Variants in UVRAG observed in about 807,000 individuals in gnomAD.
UVRAG encodes UV radiation resistance-associated gene protein.
In UVRAG, 19 loss-of-function variants were observed where a neutral mutation model predicts 78.0. That is an observed-to-expected ratio of 0.24 (90% confidence interval 0.17 to 0.36). The LOEUF (loss-of-function observed/expected upper bound fraction) is 0.36, where lower values mean the gene tolerates loss of function less well. Ranked by LOEUF, UVRAG falls within the 10% of genes least tolerant of loss-of-function variation. The pLI is 1.00. For synonymous variants in UVRAG, 323 were observed against 324.6 expected, an observed-to-expected ratio of 1.00 and a Z score of 0.05; for missense variants, 740 against 853.8, an observed-to-expected ratio of 0.87 and a Z score of 1.66.
intron 13 of UVRAG, among the ~76,000 whole-genome samples, chr11:76,090,407 A>G (rs556321430): frequency 1.3e-5 from 2 of 152,054 alleles, no homozygotes; most frequent in African/African-American, 4.8e-5. Context: ...TACTTAGCCA[A>G]CCCACTCAGC....
intron 6 of UVRAG, among the ~76,000 whole-genome samples, chr11:75,951,335 G>A (rs1043489928): frequency 3.6e-5 from 5 of 139,808 alleles, no homozygotes; most frequent in Non-Finnish European, 7.6e-5. Context: ...ATGTGTGTGT[G>A]TGTGTGTGTG....
chr11:76,132,636 T>C (rs1379430353), intron 14 of UVRAG, among the ~76,000 whole-genome samples: 2 of 152,228 alleles, frequency 1.3e-5, no homozygotes, highest in Non-Finnish European at 2.9e-5. Flanking sequence ...ATGCTTTCTT[T>C]ATTTCATTTT....
At chr11:75,935,970 C>T (rs1948366518) in intron 6 of UVRAG, among the ~76,000 whole-genome samples, 1 of 152,172 alleles carries the variant, frequency 6.6e-6, no homozygotes, top group Admixed American at 6.6e-5. Context: ...TATCTTTACT[C>T]TCTGTCAATC....
Position 76,065,782 on chromosome 11 carries a change from A to G in UVRAG, c.1299A>G (p.Ile433Met). The G allele has an allele frequency of 6.2e-7, 1 of 1,613,754 alleles. No individual in the cohort carries two copies. Among genetic ancestry groups the G allele is most frequent in the Non-Finnish European group, 8.5e-7 (1 of 1,179,812 alleles). ...DYGVYLLNKN[I>M]AQLRYQHGLG... ...GTGTCTATCTTCTGAACAAAAATATAGCACAGGTAAGTCTCTGTTCTTCAC... is the reference window on the plus strand; with the variant it reads ...GTGTCTATCTTCTGAACAAAAATATGGCACAGGTAAGTCTCTGTTCTTCAC... The change falls in exon 13 of 15, where the codon ATA becomes ATG. Residue 433 changes from isoleucine (I) to methionine (M), a missense_variant. By Grantham distance (10) the Ile-to-Met change is conservative. Coordinates refer to ENST00000356136, the MANE Select transcript of UVRAG (RefSeq NM_003369.4).
At chr11:76,083,331 A>G (rs1951532722) in intron 13 of UVRAG, among the ~76,000 whole-genome samples, 1 of 152,154 alleles carries the variant, frequency 6.6e-6, no homozygotes, top group Non-Finnish European at 1.5e-5. Context: ...CCTTCATGTT[A>G]TAAAAAGATA....
At chr11:75,990,245 G>A (rs1036380375) in intron 8 of UVRAG, among the ~76,000 whole-genome samples, 2 of 152,140 alleles carry the variant, frequency 1.3e-5, no homozygotes, top group Non-Finnish European at 2.9e-5. Flanking sequence ...TGTTTCACAA[G>A]CCTACTTCAT....
intron 13 of UVRAG, among the ~76,000 whole-genome samples, chr11:76,069,490 C>T (rs760664679): frequency 1.3e-5 from 2 of 152,144 alleles, no homozygotes; most frequent in African/African-American, 4.8e-5. Flanking sequence ...CTTTAAAAAC[C>T]AGATCCTGCC....
chr11:75,822,695 C>T (rs1388274331), intron 1 of UVRAG, among the ~76,000 whole-genome samples: 3 of 149,428 alleles, frequency 2.0e-5, no homozygotes, highest in Non-Finnish European at 4.4e-5. Context: ...AACAATATTA[C>T]ACAGGATACA....
intron 2 of UVRAG, among the ~76,000 whole-genome samples, chr11:75,857,373 G>C (rs377255400): frequency 1.3e-5 from 2 of 152,178 alleles, no homozygotes; most frequent in African/African-American, 4.8e-5. Context: ...GCTGTTGCTT[G>C]AATGCATTGG....
intron 12 of UVRAG, among the ~76,000 whole-genome samples, chr11:76,057,206 A>T (rs141567085): frequency 0.02 from 2,067 of 102,944 alleles, 43 homozygotes; most frequent in African/African-American, 0.079. Flanking sequence ...TGGGTGCCAC[A>T]ATCAGATTTG....
chr11:75,922,115 A>G (rs931760048), intron 6 of UVRAG, among the ~76,000 whole-genome samples: 3 of 152,124 alleles, frequency 2.0e-5, no homozygotes, highest in Non-Finnish European at 2.9e-5. Flanking sequence ...AAATTTTTAT[A>G]TCAGTTGAAG....
intron 13 of UVRAG, among the ~76,000 whole-genome samples, chr11:76,113,493 G>A (rs1329174882): frequency 3.3e-5 from 5 of 152,050 alleles, no homozygotes; most frequent in African/African-American, 1.2e-4. Context: ...ACAGCTAAAA[G>A]GTGTTCTCAG....
At chr11:75,837,326 C>CA (rs753820781) in intron 1 of UVRAG, among the ~76,000 whole-genome samples, 1,816 of 63,640 alleles carry the variant, frequency 0.029, 49 homozygotes, top group African/African-American at 0.05. Flanking sequence ...GACTCTGTCT[C>CA]AAAAAAAAAA....
intron 13 of UVRAG, among the ~76,000 whole-genome samples, chr11:76,112,840 C>T (rs1952102656): frequency 6.6e-6 from 1 of 151,962 alleles, no homozygotes; most frequent in Non-Finnish European, 1.5e-5. Context: ...AATCCTCCCA[C>T]CTCAGCCTCC....
chr11:76,007,400 T>C, intron 9 of UVRAG, 134 bp from the exon 10 acceptor site: 1 of 657,766 alleles, frequency 1.5e-6, no homozygotes. Flanking sequence ...CTATTATTTA[T>C]GCTTCTACTT....
chr11:75,854,503 G>A (rs1043569266), intron 2 of UVRAG, among the ~76,000 whole-genome samples: 17 of 152,048 alleles, frequency 1.1e-4, no homozygotes, highest in East Asian at 3.9e-4. Flanking sequence ...TGCAACCTCC[G>A]CCTCCCACGT....
At chr11:76,138,488 G>A (rs747792923) in intron 14 of UVRAG, among the ~76,000 whole-genome samples, 1 of 151,308 alleles carries the variant, frequency 6.6e-6, no homozygotes, top group Non-Finnish European at 1.5e-5. Flanking sequence ...GTTGTACAAA[G>A]TTGAGAACTT....
chr11:75,818,679 G>T (rs1945319215), intron 1 of UVRAG, among the ~76,000 whole-genome samples: 1 of 152,018 alleles, frequency 6.6e-6, no homozygotes, highest in African/African-American at 2.4e-5. Flanking sequence ...GGGTTTCATT[G>T]TGTTGGCCAG....
At chr11:76,045,648 G>A (rs1249708697) in intron 12 of UVRAG, among the ~76,000 whole-genome samples, 1 of 149,276 alleles carries the variant, frequency 6.7e-6, no homozygotes, top group African/African-American at 2.5e-5. Flanking sequence ...TTAAAATGAA[G>A]GAAGTGTTTT....
Sources: allele counts gnomAD v4.1 joint callset (sites outside exome capture counted in the v4.1 genomes callset), GRCh38; gene constraint gnomAD v4.1.1; transcripts MANE v1.5; gene names NCBI Gene and HGNC (gene_info 2026-07-23, HGNC 2026-07-21).